The following TBXAS1 variants were observed in gnomAD, a reference collection of about 807,000 sequenced individuals.
The protein encoded by TBXAS1 is thromboxane A synthase 1, also known as thromboxane-A synthase.
Under a neutral mutation model 60.7 loss-of-function variants are expected in TBXAS1, and 48 were observed. That is an observed-to-expected ratio of 0.79 (90% CI 0.63 to 1.01). TBXAS1 has a LOEUF of 1.01. TBXAS1 is among the 50% of genes least tolerant of loss of function. TBXAS1 has a pLI of 0.00. For synonymous variants in TBXAS1, 287 were observed against 269.7 expected (o/e 1.06, Z -0.63); for missense variants, 685 against 686.3 (o/e 1.00, Z 0.02).
chr7:139,923,188 A>G (rs1806611903), intron 4 of TBXAS1, among the ~76,000 whole-genome samples: 1 of 152,076 alleles, frequency 6.6e-6, no homozygotes. Flanking sequence ...TTAGCCAGGC[A>G]TGGTGGCGCA....
intron 3 of TBXAS1, among the ~76,000 whole-genome samples, chr7:139,785,759 A>G (rs1285385736): frequency 1.3e-5 from 2 of 151,918 alleles, no homozygotes; most frequent in Non-Finnish European, 2.9e-5. Flanking sequence ...CCTAAATCCC[A>G]TCATGATCTG....
chr7:139,868,868 A>T (rs1801622669), intron 1 of TBXAS1, among the ~76,000 whole-genome samples: 1 of 150,918 alleles, frequency 6.6e-6, no homozygotes, highest in African/African-American at 2.4e-5. Context: ...GGCCAGGCTG[A>T]TCTCAAACTC....
chr7:139,901,727 C>T (rs1804589586), intron 3 of TBXAS1, among the ~76,000 whole-genome samples: 1 of 151,986 alleles, frequency 6.6e-6, no homozygotes, highest in Admixed American at 6.5e-5. Context: ...TCTGAATGCT[C>T]CGCAGTTGGT....
intron 9 of TBXAS1, among the ~76,000 whole-genome samples, chr7:139,984,697 A>G (rs1427329921): frequency 6.7e-6 from 1 of 149,580 alleles, no homozygotes; most frequent in Non-Finnish European, 1.5e-5. Context: ...AAGAAAGAAG[A>G]AAGAAAAAGA....
At chr7:139,936,057 T>C (rs1237998227) in intron 4 of TBXAS1, 134 bp from the exon 5 acceptor site, 5 of 829,526 alleles carry the variant, frequency 6.0e-6, no homozygotes, top group Non-Finnish European at 1.1e-5. Flanking sequence ...TTCCTCTCTC[T>C]CCTTGCAAGA....
At chr7:139,898,212 G>A (rs942907607) in intron 3 of TBXAS1, among the ~76,000 whole-genome samples, 2 of 152,104 alleles carry the variant, frequency 1.3e-5, no homozygotes, top group Non-Finnish European at 2.9e-5. Flanking sequence ...GCCTCCTGCC[G>A]CTTCCACATG....
chr7:139,933,780 T>C (rs1462037135), intron 4 of TBXAS1, among the ~76,000 whole-genome samples: 1 of 150,428 alleles, frequency 6.6e-6, no homozygotes, highest in African/African-American at 2.5e-5. Flanking sequence ...ATTAAAACAG[T>C]GAAATGAAAT....
intron 1 of TBXAS1, among the ~76,000 whole-genome samples, chr7:139,842,407 A>G (rs924423911): frequency 6.6e-6 from 1 of 152,102 alleles, no homozygotes; most frequent in Admixed American, 6.6e-5. Flanking sequence ...TCTTCCCCTA[A>G]CCCTAGTGCC....
intron 4 of TBXAS1, among the ~76,000 whole-genome samples, chr7:139,814,584 A>G (rs1798102060): frequency 6.6e-6 from 1 of 152,136 alleles, no homozygotes; most frequent in African/African-American, 2.4e-5. Context: ...CTGGAGTTCC[A>G]ATGAGAGAGT....
At chr7:139,984,940 G>GAA (rs1391169831) in intron 9 of TBXAS1, among the ~76,000 whole-genome samples, 2 of 56,812 alleles carry the variant, frequency 3.5e-5, no homozygotes, top group African/African-American at 2.4e-4. Context: ...AAGAAAGAAA[G>GAA]AAAAGAAAAG....
chr7:139,841,503 T>C (rs1293799216), intron 1 of TBXAS1, among the ~76,000 whole-genome samples: 3 of 152,058 alleles, frequency 2.0e-5, no homozygotes, highest in Non-Finnish European at 4.4e-5. Context: ...TTTTATCTTT[T>C]TGTATTTTTG....
chr7:139,821,753 C>T (rs1251626111), intron 4 of TBXAS1, among the ~76,000 whole-genome samples: 1 of 152,156 alleles, frequency 6.6e-6, no homozygotes, highest in African/African-American at 2.4e-5. Flanking sequence ...GCCATGGGGC[C>T]GAAGAGAGGG....
At chr7:139,879,851 TG>T (rs1802552714) in intron 3 of TBXAS1, among the ~76,000 whole-genome samples, 1 of 141,354 alleles carries the variant, frequency 7.1e-6, no homozygotes, top group South Asian at 2.1e-4. Flanking sequence ...TGTGTGTGTG[TG>T]TGTGTGTGTG....
rs571150257 is a variant in TBXAS1, at chr7:139,842,903, C to G, written c.89+13424C>G. 5.9e-5 allele frequency among the ~76,000 whole-genome samples: 9 copies of G among 152,292 alleles called. No individual in the cohort carries two copies. The South Asian group carries it at 1.9e-3, about 32-fold the overall frequency. On this transcript the variant is annotated intron_variant, in intron 1 of 12. Transcript: ENST00000448866. Reference sequence around the variant, plus strand: ...GCCCCTTTTTTCCCCTCGAAGATATCTAGAAAAAACTGTGTCAGAGATGAT... The same window carrying G: ...GCCCCTTTTTTCCCCTCGAAGATATGTAGAAAAAACTGTGTCAGAGATGAT...
intron 1 of TBXAS1, among the ~76,000 whole-genome samples, chr7:139,855,732 T>C (rs897278015): frequency 4.2e-4 from 64 of 152,140 alleles, no homozygotes; most frequent in African/African-American, 1.5e-3. Context: ...ACACTGGGAC[T>C]AACTTCCTCT....
intron 4 of TBXAS1, among the ~76,000 whole-genome samples, chr7:139,823,399 T>A (rs1798350646): frequency 6.6e-6 from 1 of 151,564 alleles, no homozygotes; most frequent in Admixed American, 6.6e-5. Flanking sequence ...AACAGAGGAG[T>A]CCTCCTAACC....
intron 4 of TBXAS1, among the ~76,000 whole-genome samples, chr7:139,811,005 A>G (rs1798010605): frequency 6.6e-6 from 1 of 152,224 alleles, no homozygotes; most frequent in South Asian, 2.1e-4. Flanking sequence ...TCCCTAAAGA[A>G]AAGTTTAAGG....
chr7:139,957,842 C>T (rs1262410572), intron 8 of TBXAS1, 78 bp downstream of exon 8: 2 of 1,589,176 alleles, frequency 1.3e-6, no homozygotes, highest in Non-Finnish European at 1.7e-6. Context: ...TCTTTCTCTT[C>T]CCTCTCAGCC....
chr7:139,894,292 G>C lies in TBXAS1; in HGVS notation c.237-16933G>C, dbSNP rs945311220. ...GGGTGTGGCTGGGTTGGGGTGGTTA[G>C]GAAAGTGTGCAGAAGATGGTGTGGG... On this transcript the variant is annotated intron_variant, in intron 3 of 12. Transcript: ENST00000448866. Among the ~76,000 whole-genome samples the C allele has an allele frequency of 3.3e-5, 5 of 152,156 alleles. No individual in the cohort carries two copies. In the East Asian group the frequency reaches 9.6e-4, roughly 29 times the overall value.
Sources: allele counts gnomAD v4.1 joint callset (sites outside exome capture counted in the v4.1 genomes callset), GRCh38; gene constraint gnomAD v4.1.1; transcripts MANE v1.5; gene names NCBI Gene and HGNC (gene_info 2026-07-23, HGNC 2026-07-21).